The following ADGRD1 variants were observed in gnomAD, a reference collection of about 807,000 sequenced individuals.
ADGRD1 encodes the protein G-protein coupled receptor 133.
Under a neutral mutation model 113.4 loss-of-function variants are expected in ADGRD1, and 77 were observed. That is an observed-to-expected ratio of 0.68 (90% CI 0.57 to 0.82). ADGRD1 has a LOEUF of 0.82. Ranked by LOEUF, ADGRD1 falls within the 40% of genes least tolerant of loss-of-function variation. The pLI, the probability that ADGRD1 is intolerant of heterozygous loss-of-function variation, is 0.00. For missense variants in ADGRD1, 1,036 were observed against 1,139.1 expected (o/e 0.91, Z 1.30); for synonymous variants, 474 against 475.0 (o/e 1.00, Z 0.03).
intron 14 of ADGRD1, among the ~76,000 whole-genome samples, chr12:131,082,436 T>C (rs7312046): frequency 0.84 from 127,975 of 152,178 alleles, 55,118 homozygotes; most frequent in East Asian, 1. Flanking sequence ...TCTACTCCTC[T>C]GGCTAACTAG....
intron 13 of ADGRD1, among the ~76,000 whole-genome samples, chr12:131,053,385 T>G (rs1883574839): frequency 6.6e-6 from 1 of 152,266 alleles, no homozygotes. Flanking sequence ...TCAAGGCTGC[T>G]TAATTCTGCT....
chr12:130,959,322 A>G (rs1870076397), intron 2 of ADGRD1, among the ~76,000 whole-genome samples: 1 of 152,242 alleles, frequency 6.6e-6, no homozygotes, highest in Non-Finnish European at 1.5e-5. Flanking sequence ...CTGGAATCCC[A>G]GCACTTTGGG....
At chr12:131,002,356 C>A in intron 9 of ADGRD1, 1 of 193,812 alleles carries the variant, frequency 5.2e-6, no homozygotes, top group Non-Finnish European at 9.5e-6. Context: ...CTTAACTGGG[C>A]CTGGTGACTG....
At chr12:131,010,290 C>T (rs1402261787) in intron 12 of ADGRD1, among the ~76,000 whole-genome samples, 1 of 152,264 alleles carries the variant, frequency 6.6e-6, no homozygotes, top group Non-Finnish European at 1.5e-5. Context: ...CAGTGTGTGA[C>T]GGATGGGTGA....
chr12:130,987,712 C>T (rs1379384210), intron 6 of ADGRD1: 6 of 307,208 alleles, frequency 2.0e-5, no homozygotes, highest in East Asian at 7.8e-5. Context: ...TGGAAAGCCC[C>T]GAAGATACCT....
At chr12:130,995,248 G>T (rs993820293) in intron 8 of ADGRD1, among the ~76,000 whole-genome samples, 2 of 152,186 alleles carry the variant, frequency 1.3e-5, no homozygotes, top group Non-Finnish European at 2.9e-5. Flanking sequence ...GCCAGGCAGG[G>T]CTGCCCTCTG....
At position 131,004,252 on chromosome 12, in the gene ADGRD1, G is replaced by C. The variant is rs371536090; in HGVS notation, c.1211G>C (p.Gly404Ala). The C allele has an allele frequency of 1.8e-5, 29 of 1,614,024 alleles. No homozygotes were observed. Among genetic ancestry groups the C allele is most frequent in the South Asian group, 1.6e-4 (15 of 91,084 alleles). ...NSSHYRFPAH[G>A]QSFIQIPHEA... ...TCCCATTACCGCTTCCCGGCCCACG[G>C]GCAGAGCTTCATCCAGATCCCCCAC... Residue 404 changes from glycine (G) to alanine (A), a missense_variant, in exon 11 of 25, where the codon GGG (glycine) becomes GCG (alanine). Coordinates refer to ENST00000261654, the MANE Select transcript of ADGRD1 (RefSeq NM_198827.5).
rs1189725993 is a variant in ADGRD1 at position 131,140,098 on chromosome 12, TGCC to T, written c.*836_*838del. Reference sequence around the variant, plus strand: ...CCTTAAGATGCCCTCCTCCCTCGTGTGCCAGCCTCCTTGGTTGTTCTTGGGCCA... The same window carrying T: ...CCTTAAGATGCCCTCCTCCCTCGTGTAGCCTCCTTGGTTGTTCTTGGGCCA... On this transcript the variant is annotated 3_prime_UTR_variant, in exon 25 of 25. Transcript: ENST00000261654. 4.6e-5 allele frequency: 7 copies of T among 152,262 alleles called. No homozygotes were observed. Among genetic ancestry groups the T allele is most frequent in the African/African-American group, 1.4e-4 (6 of 41,460 alleles). 9.4% of individuals were successfully genotyped at this position (152,262 alleles called of 1,614,324 possible).
intron 18 of ADGRD1, among the ~76,000 whole-genome samples, chr12:131,114,120 C>T (rs546518342): frequency 3.9e-5 from 6 of 152,142 alleles, no homozygotes; most frequent in Admixed American, 2.0e-4. Flanking sequence ...TCTGTGTCGC[C>T]GATAGGATGG....
At chr12:131,131,693 C>G in intron 20 of ADGRD1, 32 bp from the exon 21 acceptor site, 3 of 1,439,204 alleles carry the variant, frequency 2.1e-6, no homozygotes, top group Non-Finnish European at 2.9e-6. Flanking sequence ...AGCCCAGGCC[C>G]CCCTCACCTT....
intron 13 of ADGRD1, among the ~76,000 whole-genome samples, chr12:131,061,488 C>T (rs1019203768): frequency 2.0e-5 from 3 of 152,190 alleles, no homozygotes; most frequent in Non-Finnish European, 2.9e-5. Flanking sequence ...AATCTTGACT[C>T]ATTTATAGTT....
chr12:131,119,925 G>A (rs138510661), intron 19 of ADGRD1, among the ~76,000 whole-genome samples: 66 of 152,284 alleles, frequency 4.3e-4, no homozygotes, highest in Non-Finnish European at 6.6e-4. Flanking sequence ...GGGGCAGGGA[G>A]GCAGTGTGCT....
intron 18 of ADGRD1, among the ~76,000 whole-genome samples, chr12:131,114,937 A>T (rs1950429380): frequency 6.6e-6 from 1 of 152,202 alleles, no homozygotes; most frequent in African/African-American, 2.4e-5. Context: ...GGTGAAGAGA[A>T]TGTAACTCGT....
chr12:131,136,497 C>A (rs373607658), intron 22 of ADGRD1, among the ~76,000 whole-genome samples: 2 of 152,220 alleles, frequency 1.3e-5, no homozygotes, highest in Admixed American at 6.5e-5. Flanking sequence ...GTGCTGCCCT[C>A]TGTGTGAAGG....
rs947511640 is a variant in ADGRD1, at chr12:131,136,226, G to A, written c.2394+63G>A. On this transcript the variant is annotated intron_variant, in intron 22 of 24. Transcript: ENST00000261654. ...CAGCCATCAGGAGCAGGCTTGCAGGGAGCTAGGGCTGCAGGGGCAGGAGGG... is the reference window on the plus strand; with the variant it reads ...CAGCCATCAGGAGCAGGCTTGCAGGAAGCTAGGGCTGCAGGGGCAGGAGGG... The A allele has an allele frequency of 2.4e-5, 38 of 1,591,706 alleles. No homozygotes were observed. In the African/African-American group the frequency reaches 3.8e-4, roughly 16 times the overall value.
At chr12:131,006,735 C>T (rs1877177148) in intron 12 of ADGRD1, among the ~76,000 whole-genome samples, 1 of 151,980 alleles carries the variant, frequency 6.6e-6, no homozygotes, top group African/African-American at 2.4e-5. Context: ...ATGCCTCTTT[C>T]CTGAGGAATG....
Position 131,138,525 on chromosome 12 carries a change from G to A in ADGRD1, c.2529+296G>A, listed in dbSNP as rs914854708. On this transcript the variant is annotated intron_variant, in intron 24 of 24. Transcript: ENST00000261654. ...ACTGACCGTGAGGTGGCCCATCCCC[G>A]CCGCCCTCCAGAGCCCAGGCAGGCC... Among the ~76,000 whole-genome samples, 4 of 152,276 alleles carry A rather than the reference G, an allele frequency of 2.6e-5. No homozygotes were observed. In the East Asian group the frequency reaches 5.8e-4, roughly 22 times the overall value.
At chr12:131,105,685 C>A in intron 16 of ADGRD1, 69 bp from the exon 17 acceptor site, 1 of 1,217,994 alleles carries the variant, frequency 8.2e-7, no homozygotes, top group Non-Finnish European at 1.2e-6. Flanking sequence ...CTTCGTGGGG[C>A]CAGGGAGCCC....
At chr12:131,138,064 C>T (rs1315066852) in intron 23 of ADGRD1, 73 bp from the exon 24 acceptor site, 11 of 1,247,768 alleles carry the variant, frequency 8.8e-6, no homozygotes, top group African/African-American at 2.9e-5. Flanking sequence ...GGAGTTGCAC[C>T]GGCACAGACT....
Sources: gnomAD v4.1 joint callset for allele counts (sites outside exome capture counted in the v4.1 genomes callset) on GRCh38, gnomAD v4.1.1 for gene constraint, MANE v1.5 for transcripts, NCBI Gene and HGNC (gene_info 2026-07-23, HGNC 2026-07-21) for gene names.